The following CPNE4 variants were observed in gnomAD, a reference collection of about 807,000 sequenced individuals.
CPNE4 encodes copine-4.
A neutral mutation model predicts 67.9 loss-of-function variants in CPNE4; 25 were observed. The ratio of observed to expected loss-of-function variants is 0.37; its 90% confidence interval spans 0.27 to 0.51. The LOEUF (loss-of-function observed/expected upper bound fraction) is 0.51. Ranked by LOEUF, CPNE4 falls within the 20% of genes least tolerant of loss-of-function variation. The probability of loss-of-function intolerance (pLI) is 0.93; values close to 1 mark genes in which losing one functional copy is unlikely to be tolerated. For missense variants in CPNE4, 464 were observed against 690.8 expected (o/e 0.67, Z 3.68); for synonymous variants, 242 against 244.9 (o/e 0.99, Z 0.11).
Position 131,737,839 on chromosome 3 carries a change from TA to T in CPNE4, c.181-14215del, listed in dbSNP as rs796616358. 8.6e-3 allele frequency among the ~76,000 whole-genome samples: 1,290 copies of T among 150,422 alleles called. 12 individuals are homozygous for T. Among genetic ancestry groups the T allele is most frequent in the African/African-American group, 0.019 (761 of 41,108 alleles). On this transcript the variant is annotated intron_variant, in intron 2 of 15. Transcript: ENST00000429747. ...TTAAACTTATCCTCCTAGAGGACTT[TA>T]AAAAAAAAATAGCAACCAAAACCTT...
At chr3:131,717,890 CTTT>C (rs2081756070) in intron 3 of CPNE4, among the ~76,000 whole-genome samples, 1 of 59,594 alleles carries the variant, frequency 1.7e-5, no homozygotes, top group African/African-American at 4.2e-5. Context: ...TTCTTTCTTT[CTTT>C]CTTTCTTTCT....
chr3:131,624,956 G>C (rs1302641310), intron 7 of CPNE4, among the ~76,000 whole-genome samples: 1 of 152,122 alleles, frequency 6.6e-6, no homozygotes, highest in African/African-American at 2.4e-5. Context: ...GGTGTTTTTA[G>C]CTTCTGGTCC....
chr3:131,748,119 T>C (rs1201820124), intron 2 of CPNE4, among the ~76,000 whole-genome samples: 4 of 152,064 alleles, frequency 2.6e-5, no homozygotes, highest in Non-Finnish European at 5.9e-5. Flanking sequence ...TTTTCTTTTG[T>C]AGCCTGTTAA....
chr3:132,030,213 G>C (rs1348746346), intron 1 of CPNE4, among the ~76,000 whole-genome samples: 1 of 152,196 alleles, frequency 6.6e-6, no homozygotes, highest in East Asian at 1.9e-4. Flanking sequence ...CAGGGAACTT[G>C]AGTTTCTTTA....
In CPNE4 at chr3:131,933,022, T is replaced by G. The variant is rs571394470; in HGVS notation, c.-1-27578A>C. 2.6e-5 allele frequency among the ~76,000 whole-genome samples: 4 copies of G among 152,082 alleles called. No homozygotes were observed. In the South Asian group the frequency reaches 8.3e-4, roughly 32 times the overall value. The stretch of plus-strand genomic sequence containing the variant: ...AGACTCTATCTCAAAGAAAAAAGAA[T>G]AGCATGCAAAGTCTTCAGGTCAACA... On this transcript the variant is annotated intron_variant, in intron 1 of 15. Transcript: ENST00000429747.
At chr3:131,804,809 T>C (rs773283790) in intron 2 of CPNE4, among the ~76,000 whole-genome samples, 2 of 152,232 alleles carry the variant, frequency 1.3e-5, no homozygotes, top group African/African-American at 4.8e-5. Context: ...ACAAGTGACA[T>C]GTGGCCCAGT....
Position 131,905,246 on chromosome 3 carries a change from T to C in CPNE4, c.180+18A>G, listed in dbSNP as rs375536991. 2.5e-6 allele frequency: 4 copies of C among 1,600,112 alleles called. No homozygotes were observed. The African/African-American group carries it at 5.4e-5, about 21-fold the overall frequency. ...ATCATCCAGCCATGGTTCTGTCCAT[T>C]TCATTGGACATGCCTACCTCAAACC... On this transcript the variant is annotated intron_variant, in intron 2 of 15. Transcript: ENST00000429747.
At chr3:132,029,767 G>T (rs2074198282) in intron 1 of CPNE4, among the ~76,000 whole-genome samples, 1 of 152,198 alleles carries the variant, frequency 6.6e-6, no homozygotes. Context: ...GAAATACTGT[G>T]TTCTGAGCCA....
intron 7 of CPNE4, among the ~76,000 whole-genome samples, chr3:131,662,023 G>A (rs923776191): frequency 6.6e-6 from 1 of 152,106 alleles, no homozygotes; most frequent in Non-Finnish European, 1.5e-5. Flanking sequence ...AGATCTGGGG[G>A]TTGGAACTTG....
At chr3:131,814,021 G>A (rs1255960177) in intron 2 of CPNE4, among the ~76,000 whole-genome samples, 2 of 152,098 alleles carry the variant, frequency 1.3e-5, no homozygotes, top group Admixed American at 6.5e-5. Flanking sequence ...AATTTTATAT[G>A]GTATAGGATC....
chr3:131,811,375 G>A (rs182638584), intron 2 of CPNE4, among the ~76,000 whole-genome samples: 41 of 152,064 alleles, frequency 2.7e-4, no homozygotes, highest in Admixed American at 7.2e-4. Flanking sequence ...CAGTAGAGTG[G>A]TTTAAAAAAT....
At chr3:131,786,649 A>G (rs892275884) in intron 2 of CPNE4, among the ~76,000 whole-genome samples, 3 of 152,206 alleles carry the variant, frequency 2.0e-5, no homozygotes, top group African/African-American at 4.8e-5. Context: ...CTGATGAGGT[A>G]CATACATATT....
At chr3:131,592,263 A>G (rs1167228623) in intron 7 of CPNE4, among the ~76,000 whole-genome samples, 1 of 152,234 alleles carries the variant, frequency 6.6e-6, no homozygotes, top group Non-Finnish European at 1.5e-5. Context: ...AGTCCACAGA[A>G]CAACTTATTG....
At chr3:131,914,535 T>A (rs1409232557) in intron 1 of CPNE4, among the ~76,000 whole-genome samples, 1 of 152,174 alleles carries the variant, frequency 6.6e-6, no homozygotes, top group Non-Finnish European at 1.5e-5. Context: ...AGGACTTTAA[T>A]CATTACACAC....
chr3:131,810,068 A>G (rs2084464674), intron 2 of CPNE4, among the ~76,000 whole-genome samples: 1 of 152,074 alleles, frequency 6.6e-6, no homozygotes, highest in African/African-American at 2.4e-5. Flanking sequence ...AATGATATTA[A>G]TGCTTTAAAT....
chr3:131,553,202 T>TG (rs1405188823), intron 12 of CPNE4, among the ~76,000 whole-genome samples: 2 of 152,132 alleles, frequency 1.3e-5, no homozygotes, highest in Non-Finnish European at 2.9e-5. Flanking sequence ...TTGAATCATT[T>TG]GGTATTTTAT....
At chr3:131,858,590 A>T (rs1008907204) in intron 2 of CPNE4, among the ~76,000 whole-genome samples, 3 of 152,280 alleles carry the variant, frequency 2.0e-5, no homozygotes, top group South Asian at 4.1e-4. Flanking sequence ...AAACTTTTAT[A>T]AAAACTTTTA....
At chr3:131,926,417 A>C (rs1169565349) in intron 1 of CPNE4, among the ~76,000 whole-genome samples, 1 of 152,218 alleles carries the variant, frequency 6.6e-6, no homozygotes, top group Non-Finnish European at 1.5e-5. Flanking sequence ...GTAACAAATA[A>C]ATTTGAAAAT....
At chr3:131,773,526 T>G (rs556600115) in intron 2 of CPNE4, among the ~76,000 whole-genome samples, 2 of 152,176 alleles carry the variant, frequency 1.3e-5, no homozygotes, top group South Asian at 4.2e-4. Context: ...TTTTGTATTT[T>G]TAGTACAGAC....
Sources: allele counts gnomAD v4.1 joint callset (sites outside exome capture counted in the v4.1 genomes callset), GRCh38; gene constraint gnomAD v4.1.1; transcripts MANE v1.5; gene names NCBI Gene and HGNC (gene_info 2026-07-23, HGNC 2026-07-21).